The following ERC1 variants were observed in gnomAD, a reference collection of about 807,000 sequenced individuals.
The protein encoded by ERC1 is RAB6 interacting protein 2.
Under a neutral mutation model 132.0 loss-of-function variants are expected in ERC1, and 56 were observed. That is an observed-to-expected ratio of 0.42 (90% CI 0.34 to 0.53). The LOEUF is 0.53. Ranked by LOEUF, ERC1 falls within the 20% of genes least tolerant of loss-of-function variation. ERC1 has a pLI of 0.03. For missense variants in ERC1, 1,202 were observed against 1,349.9 expected (o/e 0.89, Z 1.72); for synonymous variants, 478 against 476.1 (o/e 1.00, Z -0.05).
At chr12:1,085,001 CATTATTATTATT>C (rs1942794427) in intron 3 of ERC1, among the ~76,000 whole-genome samples, 2 of 64,100 alleles carry the variant, frequency 3.1e-5, no homozygotes, top group African/African-American at 8.2e-5. Flanking sequence ...ATGCCTGGCC[CATTATTATTATT>C]GTTGTTGTTG....
At chr12:1,465,561 C>T (rs897797966) in intron 18 of ERC1, among the ~76,000 whole-genome samples, 3 of 152,250 alleles carry the variant, frequency 2.0e-5, no homozygotes, top group African/African-American at 7.2e-5. Flanking sequence ...TGAGACCACA[C>T]ACCCTTCTTC....
intron 2 of ERC1, among the ~76,000 whole-genome samples, chr12:1,048,956 G>C (rs529300607): frequency 6.6e-6 from 1 of 152,018 alleles, no homozygotes; most frequent in Non-Finnish European, 1.5e-5. Context: ...CTCTTGCTTC[G>C]GATCTCCCCT....
At chr12:1,121,397 G>A (rs937505947) in intron 7 of ERC1, among the ~76,000 whole-genome samples, 3 of 152,188 alleles carry the variant, frequency 2.0e-5, no homozygotes, top group African/African-American at 7.2e-5. Flanking sequence ...TTGGTAGGTT[G>A]AGGACTAGCC....
At chr12:1,364,316 C>G (rs574564052) in intron 15 of ERC1, among the ~76,000 whole-genome samples, 1 of 152,244 alleles carries the variant, frequency 6.6e-6, no homozygotes, top group Admixed American at 6.5e-5. Flanking sequence ...ACCTTCAACT[C>G]AGTCTTTCTA....
intron 18 of ERC1, among the ~76,000 whole-genome samples, chr12:1,482,452 TTTTG>T (rs2094112152): frequency 6.6e-6 from 1 of 152,174 alleles, no homozygotes; most frequent in Non-Finnish European, 1.5e-5. Context: ...TTTGTGTTTT[TTTTG>T]TTTGTTTGAG....
Position 1,164,404 on chromosome 12 carries a change from G to A in ERC1, c.1738-16136G>A, listed in dbSNP as rs546315102. 3.3e-5 allele frequency among the ~76,000 whole-genome samples: 5 copies of A among 151,860 alleles called. No individual in the cohort carries two copies. In the East Asian group the frequency reaches 5.8e-4, roughly 18 times the overall value. On this transcript the variant is annotated intron_variant, in intron 8 of 18. Coordinates refer to ENST00000360905, the MANE Select transcript of ERC1 (RefSeq NM_178040.4). ...GTTGCCCAGCCTGGAGTGCAGTGGC[G>A]CTATCTCAGCTCACTGCAAGCTCTG... is the stretch of plus-strand genomic sequence containing the variant.
intron 14 of ERC1, among the ~76,000 whole-genome samples, chr12:1,266,325 C>G (rs2154327987): frequency 6.6e-6 from 1 of 150,832 alleles, no homozygotes; most frequent in African/African-American, 2.4e-5. Flanking sequence ...ACTTCTGAAG[C>G]CTTACAACCT....
In ERC1 at chr12:1,083,275, G is replaced by C; in HGVS notation, c.781G>C (p.Glu261Gln). ...SSRTGEPCVAELTEENFQRLH... is the reference protein window; with the variant it reads ...SSRTGEPCVAQLTEENFQRLH... ...CAGGACTGGCGAACCTTGTGTAGCA[G>C]AGCTGACAGAGGAGAACTTTCAGAG... The change falls in exon 3 of 19, where the codon GAG becomes CAG. Residue 261 changes from glutamate to glutamine, a missense_variant. Transcript: ENST00000360905. 1.2e-6 allele frequency: 2 copies of C among 1,614,198 alleles called. No homozygotes were observed. The highest frequency in any genetic ancestry group is 1.7e-6 in the Non-Finnish European group (2 of 1,180,034).
intron 15 of ERC1, among the ~76,000 whole-genome samples, chr12:1,367,118 G>A (rs1420705100): frequency 6.6e-6 from 1 of 152,192 alleles, no homozygotes; most frequent in African/African-American, 2.4e-5. Flanking sequence ...TAGAAGAGTA[G>A]AAGAGATATA....
chr12:1,141,745 G>A lies in ERC1; in HGVS notation c.1695G>A (p.Met565Ile). 6.2e-7 allele frequency: 1 copy of A among 1,611,848 alleles called. No homozygotes were observed. Among genetic ancestry groups the A allele is most frequent in the Non-Finnish European group, 8.5e-7 (1 of 1,178,878 alleles). Reference protein sequence around the residue: ...QAGEIHDLKDMLDVKERKVNV... With the variant: ...QAGEIHDLKDILDVKERKVNV... ...GAGAGATACATGACCTCAAGGACAT[G>A]TTGGATGTGAAGGAGCGGAAGGTTA... The change falls in exon 8 of 19, where the codon ATG (methionine) becomes ATA (isoleucine). Residue 565 changes from methionine to isoleucine, a missense_variant. Met to Ile is a conservative substitution (Grantham distance 10). Transcript: ENST00000360905.
intron 7 of ERC1, among the ~76,000 whole-genome samples, chr12:1,136,805 C>G (rs891586739): frequency 6.6e-6 from 1 of 151,916 alleles, no homozygotes; most frequent in Non-Finnish European, 1.5e-5. Context: ...TTTCCTCTTC[C>G]TAGATATCCA....
chr12:1,291,219 T>C (rs1215290168), intron 15 of ERC1, among the ~76,000 whole-genome samples: 3 of 152,222 alleles, frequency 2.0e-5, no homozygotes, highest in Non-Finnish European at 2.9e-5. Context: ...GGCTACGAGA[T>C]TCTGTCCTTT....
intron 8 of ERC1, among the ~76,000 whole-genome samples, chr12:1,164,889 C>T (rs1258353862): frequency 6.6e-6 from 1 of 152,164 alleles, no homozygotes; most frequent in African/African-American, 2.4e-5. Context: ...TATGATATTG[C>T]AGCCTTATTA....
At position 1,311,807 on chromosome 12, in the gene ERC1, G is replaced by A. The variant is rs115810722; in HGVS notation, c.2780+21795G>A. Among the ~76,000 whole-genome samples, 412 of 152,176 alleles carry A rather than the reference G, an allele frequency of 2.7e-3. 2 individuals are homozygous for A. The highest frequency in any genetic ancestry group is 9.2e-3 in the African/African-American group (380 of 41,530). On this transcript the variant is annotated intron_variant, in intron 15 of 18. Transcript: ENST00000360905. ...ATTTCACTTGAAGTAGCCATGCTTT[G>A]TCTTTTTTTCTATGGAGATACGTGG...
intron 18 of ERC1, among the ~76,000 whole-genome samples, chr12:1,454,198 C>G (rs1012698549): frequency 9.2e-5 from 14 of 152,174 alleles, no homozygotes; most frequent in Non-Finnish European, 1.9e-4. Context: ...GCCGAACACA[C>G]GGAGGTGCTG....
At chr12:1,204,499 A>T (rs759126740) in intron 12 of ERC1, 1 of 1,589,682 alleles carries the variant, frequency 6.3e-7, no homozygotes. Context: ...TGTTTCCTTC[A>T]GTCTCACCTC....
At chr12:1,445,315 C>T (rs1038927031) in intron 18 of ERC1, among the ~76,000 whole-genome samples, 12 of 149,082 alleles carry the variant, frequency 8.0e-5, no homozygotes, top group African/African-American at 3.0e-4. Context: ...CTGCAACTTC[C>T]ACCTCCCAGG....
rs1276570668 is a variant in ERC1 at position 1,492,598 on chromosome 12, A to G, written c.*2368A>G. ...CAGCATTCTCCATCACTTCCCCTCC[A>G]GAAAAACGGATGGAAGGAAGCCCTC... On this transcript the variant is annotated 3_prime_UTR_variant, in exon 19 of 19. Coordinates refer to ENST00000360905, the MANE Select transcript of ERC1 (RefSeq NM_178040.4). The G allele has an allele frequency of 4.3e-6, 1 of 233,034 alleles. No homozygotes were observed. The highest frequency in any genetic ancestry group is 8.5e-6 in the Non-Finnish European group (1 of 117,982). The allele number at this position is 233,034 out of a possible 1,614,324, so 14.4% of individuals were successfully genotyped here. A position where few individuals can be genotyped will look rare whatever the true frequency, so the allele number is the denominator to read the frequency against.
At chr12:1,470,758 T>C (rs979263771) in intron 18 of ERC1, among the ~76,000 whole-genome samples, 2 of 152,254 alleles carry the variant, frequency 1.3e-5, no homozygotes, top group Non-Finnish European at 2.9e-5. Context: ...TTGTTTAGAA[T>C]ACTCCACACT....
Sources: gnomAD v4.1 joint callset for allele counts (sites outside exome capture counted in the v4.1 genomes callset) on GRCh38, gnomAD v4.1.1 for gene constraint, MANE v1.5 for transcripts, NCBI Gene and HGNC (gene_info 2026-07-23, HGNC 2026-07-21) for gene names.